MASP1: variants seen among roughly 807,000 people sequenced by gnomAD.
MASP1 encodes mannan-binding lectin serine protease 1.
Under a neutral mutation model 77.1 loss-of-function variants are expected in MASP1, and 59 were observed. The ratio of observed to expected loss-of-function variants is 0.77; its 90% CI spans 0.62 to 0.95. MASP1 has a LOEUF of 0.95. MASP1 is among the 40% of genes least tolerant of loss of function. The pLI is 0.00. For missense variants in MASP1, 885 were observed against 912.9 expected, an observed-to-expected ratio of 0.97 and a Z score of 0.39; for synonymous variants, 362 against 354.5, an observed-to-expected ratio of 1.02 and a Z score of -0.24.
chr3:187,258,415 G>A (rs1390712387), intron 4 of MASP1, among the ~76,000 whole-genome samples: 2 of 152,196 alleles, frequency 1.3e-5, no homozygotes, highest in Admixed American at 6.5e-5. Context: ...GTGAACATGG[G>A]TCATGTGTTG....
exon 16 of MASP1, chr3:187,217,712 G>A (rs1711845234): frequency 6.6e-6 from 1 of 152,198 alleles, no homozygotes; most frequent in South Asian, 2.1e-4. Context: ...TTGGACCTTA[G>A]CAGCAGTGCA....
chr3:187,226,782 C>T (rs2108504126), intron 11 of MASP1, among the ~76,000 whole-genome samples: 1 of 152,280 alleles, frequency 6.6e-6, no homozygotes, highest in East Asian at 1.9e-4. Context: ...TTCAGGGATC[C>T]TTTAAGCCCA....
intron 7 of MASP1, 164 bp downstream of exon 7, chr3:187,251,470 C>T (rs995860312): frequency 4.5e-5 from 30 of 667,116 alleles, no homozygotes; most frequent in African/African-American, 1.3e-4. Flanking sequence ...CCGCCTGGGA[C>T]GCATGCTTTG....
intron 14 of MASP1, among the ~76,000 whole-genome samples, chr3:187,222,741 C>A (rs1468071551): frequency 6.7e-6 from 1 of 149,878 alleles, no homozygotes; most frequent in African/African-American, 2.5e-5. Flanking sequence ...CTGCCAAGTT[C>A]ATTACTGCAA....
In MASP1 at chr3:187,280,160, C is replaced by A. The variant is rs116114621; in HGVS notation, c.237+5665G>T. ...GGTAGGCTAGATGGGGAGAGGCTGA[C>A]ATCTGGTAGACATATAGAAGGCTAT... On this transcript the variant is annotated intron_variant, in intron 2 of 10. Coordinates refer to ENST00000296280, the MANE Select transcript of MASP1 (RefSeq NM_139125.4). 4.1e-3 allele frequency among the ~76,000 whole-genome samples: 629 copies of A among 152,238 alleles called. 2 individuals are homozygous for A. The highest frequency in any genetic ancestry group is 0.013 in the African/African-American group (555 of 41,528).
chr3:187,226,399 T>G, intron 12 of MASP1: 1 of 1,596,852 alleles, frequency 6.3e-7, no homozygotes, highest in Non-Finnish European at 8.5e-7. Flanking sequence ...TGCCCCTCAC[T>G]CACTCACCCA....
chr3:187,271,651 CT>C (rs11360908), intron 2 of MASP1, among the ~76,000 whole-genome samples: 30,352 of 152,078 alleles, frequency 0.2, 3,255 homozygotes, highest in African/African-American at 0.27. Context: ...GGTAATTTTT[CT>C]TTTTCTTCTC....
intron 1 of MASP1, among the ~76,000 whole-genome samples, chr3:187,288,177 G>A (rs1197050165): frequency 6.6e-6 from 1 of 152,144 alleles, no homozygotes; most frequent in Non-Finnish European, 1.5e-5. Context: ...AAAACAAAAT[G>A]TCTTAATCCC....
intron 12 of MASP1, chr3:187,226,352 T>G: frequency 7.6e-7 from 1 of 1,308,534 alleles, no homozygotes; most frequent in Non-Finnish European, 1.1e-6. Context: ...GGCCAGTAGG[T>G]CATTCCCAGA....
rs1474878227 is a variant in MASP1 at position 187,234,550 on chromosome 3, T to C, written c.*1134A>G. On this transcript the variant is annotated 3_prime_UTR_variant, in exon 11 of 11. Transcript: ENST00000296280. ...TAGAACCCAGGACTCCTGGCTCTTT[T>C]CACTGCCTGCCATGGGTGAGCCTCT... 7.0e-6 allele frequency: 9 copies of C among 1,287,122 alleles called. No homozygotes were observed. Among genetic ancestry groups the C allele is most frequent in the Non-Finnish European group, 9.1e-6 (9 of 988,704 alleles). The allele number at this position is 1,287,122 out of a possible 1,614,324, so 79.7% of individuals were successfully genotyped here. A position where few individuals can be genotyped will look rare whatever the true frequency, so the allele number is the denominator to read the frequency against.
intron 6 of MASP1, 75 bp from the exon 7 acceptor site, chr3:187,251,827 C>CAAGGCCTGATGAAGGTGAATA (rs1714631959): frequency 8.9e-7 from 1 of 1,129,310 alleles, no homozygotes; most frequent in Admixed American, 1.7e-5. Context: ...CCCTAGAAAG[C>CAAGGCCTGATGAAGGTGAATA]AAGGCCTGAT....
chr3:187,267,753 A>G (rs1716163625), intron 2 of MASP1, among the ~76,000 whole-genome samples: 1 of 152,190 alleles, frequency 6.6e-6, no homozygotes, highest in Admixed American at 6.5e-5. Flanking sequence ...TCATTGTTGC[A>G]CTTTGGCCCC....
chr3:187,236,636 A>G (rs951781873), intron 10 of MASP1, 69 bp from the exon 11 acceptor site: 1 of 1,612,102 alleles, frequency 6.2e-7, no homozygotes, highest in Non-Finnish European at 8.5e-7. Flanking sequence ...GACAGGAGCC[A>G]CAAAGATAAA....
chr3:187,224,535 A>G (rs1412983203), intron 13 of MASP1, among the ~76,000 whole-genome samples: 3 of 151,106 alleles, frequency 2.0e-5, no homozygotes, highest in East Asian at 3.9e-4. Context: ...TTTAGTAGAG[A>G]CGGGGTTTCA....
downstream of MASP1, among the ~76,000 whole-genome samples, chr3:187,233,508 C>A (rs933922249): frequency 1.3e-5 from 2 of 152,182 alleles, no homozygotes; most frequent in Middle Eastern, 6.3e-3. Context: ...ACTTAAATCT[C>A]TGTTCCTTTT....
chr3:187,260,493 AG>A (rs1351170511), intron 4 of MASP1, among the ~76,000 whole-genome samples: 1 of 152,220 alleles, frequency 6.6e-6, no homozygotes, highest in Non-Finnish European at 1.5e-5. Flanking sequence ...CAACCTGTAT[AG>A]TGAAAAATGC....
At chr3:187,224,597 C>T (rs915093955) in intron 13 of MASP1, among the ~76,000 whole-genome samples, 10 of 152,036 alleles carry the variant, frequency 6.6e-5, no homozygotes, top group South Asian at 2.1e-4. Flanking sequence ...CCGCCCGCCT[C>T]GGCCTCCCAA....
At chr3:187,219,852 A>G (rs1157828462) in exon 16 of MASP1, 2 of 590,306 alleles carry the variant, frequency 3.4e-6, no homozygotes, top group East Asian at 2.9e-5. Context: ...CTAGTAAGTG[A>G]TAGAGCCTGG....
intron 2 of MASP1, among the ~76,000 whole-genome samples, chr3:187,276,976 C>G (rs1579574144): frequency 6.6e-6 from 1 of 152,148 alleles, no homozygotes; most frequent in East Asian, 1.9e-4. Context: ...GCTTAGGGGT[C>G]AGAAGAGTCC....
Sources: allele counts gnomAD v4.1 joint callset (sites outside exome capture counted in the v4.1 genomes callset), GRCh38; gene constraint gnomAD v4.1.1; transcripts MANE v1.5; gene names NCBI Gene and HGNC (gene_info 2026-07-23, HGNC 2026-07-21).